Variants in EYS observed in about 807,000 individuals in gnomAD.
EYS encodes EGF-like photoreceptor maintenance factor.
EYS carries 250 observed loss-of-function variants against 282.1 expected under a neutral mutation model. The observed-to-expected ratio is 0.89, with a 90% CI of 0.80 to 0.98. EYS has a LOEUF of 0.98. Ranked by LOEUF, EYS falls within the 50% of genes least tolerant of loss-of-function variation. EYS has a pLI of 0.00. For synonymous variants in EYS, 1,355 were observed against 1,282.9 expected (o/e 1.06, Z -1.20); for missense variants, 4,016 against 3,709.0 (o/e 1.08, Z -2.15).
intron 31 of EYS, among the ~76,000 whole-genome samples, chr6:64,179,565 G>A (rs1034645406): frequency 6.6e-6 from 1 of 152,014 alleles, no homozygotes; most frequent in Non-Finnish European, 1.5e-5. Flanking sequence ...CACTTAGTAG[G>A]TATTCCAAAA....
rs542787315 is a variant in EYS at position 65,501,198 on chromosome 6, A to C, written c.-332-5205T>G. On this transcript the variant is annotated intron_variant, in intron 2 of 42. Transcript: ENST00000503581. Reference sequence around the variant, plus strand: ...ATGGAAAATAATTGACAATAGTATCACTATATCTGTGAATGTCCATGTATA... The same window carrying C: ...ATGGAAAATAATTGACAATAGTATCCCTATATCTGTGAATGTCCATGTATA... 1.1e-3 allele frequency among the ~76,000 whole-genome samples: 169 copies of C among 151,988 alleles called. 1 individual carries two copies. The highest frequency in any genetic ancestry group is 3.5e-3 in the African/African-American group (145 of 41,534).
At chr6:63,891,796 C>G (rs1413091949) in intron 35 of EYS, among the ~76,000 whole-genome samples, 1 of 152,136 alleles carries the variant, frequency 6.6e-6, no homozygotes, top group East Asian at 1.9e-4. Flanking sequence ...TTCAAATTGC[C>G]TGTTTGAGAT....
At chr6:64,169,431 G>GTTTTTTTTTTTT (rs35657029) in intron 31 of EYS, among the ~76,000 whole-genome samples, 23 of 140,962 alleles carry the variant, frequency 1.6e-4, no homozygotes, top group African/African-American at 5.8e-4. Flanking sequence ...TTGAGGAGGA[G>GTTTTTTTTTTTT]TTTTTTTTTT....
intron 11 of EYS, among the ~76,000 whole-genome samples, chr6:65,309,460 T>C (rs1335091860): frequency 6.6e-6 from 1 of 152,148 alleles, no homozygotes; most frequent in Non-Finnish European, 1.5e-5. Context: ...TTGTTACAAA[T>C]GTTCTCAAAA....
At chr6:64,960,336 T>C (rs1769869685) in intron 14 of EYS, among the ~76,000 whole-genome samples, 1 of 152,142 alleles carries the variant, frequency 6.6e-6, no homozygotes. Flanking sequence ...TAAGGGATAA[T>C]TTTAAGCAAC....
At chr6:64,906,549 T>C (rs765863724) in intron 16 of EYS, among the ~76,000 whole-genome samples, 34 of 152,220 alleles carry the variant, frequency 2.2e-4, no homozygotes, top group Non-Finnish European at 4.4e-4. Context: ...TGATAGTATA[T>C]ATACTGGAGT....
At chr6:64,417,127 C>G (rs72889620) in intron 28 of EYS, among the ~76,000 whole-genome samples, 2 of 152,136 alleles carry the variant, frequency 1.3e-5, no homozygotes, top group Non-Finnish European at 2.9e-5. Flanking sequence ...ATAATTAGAG[C>G]TTTTATACAT....
chr6:65,022,660 A>T (rs986355891), intron 13 of EYS, among the ~76,000 whole-genome samples: 10 of 149,984 alleles, frequency 6.7e-5, no homozygotes, highest in Non-Finnish European at 1.3e-4. Context: ...TAAAAGAAGT[A>T]CATATATAAA....
At chr6:64,568,064 G>C (rs1437314263) in intron 26 of EYS, among the ~76,000 whole-genome samples, 1 of 152,136 alleles carries the variant, frequency 6.6e-6, no homozygotes, top group Non-Finnish European at 1.5e-5. Context: ...AAAATAAATA[G>C]AATTTTCTGT....
intron 30 of EYS, among the ~76,000 whole-genome samples, chr6:64,253,775 G>A (rs73763361): frequency 0.024 from 3,719 of 152,078 alleles, 151 homozygotes; most frequent in African/African-American, 0.085. Flanking sequence ...CAAGGGGACA[G>A]GCTTTAGCCG....
intron 1 of EYS, among the ~76,000 whole-genome samples, chr6:65,686,613 A>T (rs1351626135): frequency 6.6e-6 from 1 of 152,170 alleles, no homozygotes; most frequent in Non-Finnish European, 1.5e-5. Context: ...TGTTAAACAA[A>T]CTACAAAATG....
intron 28 of EYS, among the ~76,000 whole-genome samples, chr6:64,391,655 C>A (rs1179305169): frequency 6.6e-6 from 1 of 152,092 alleles, no homozygotes; most frequent in African/African-American, 2.4e-5. Context: ...CAACCCGTAC[C>A]AGCCGCTGCA....
At chr6:64,291,588 G>A (rs1415345735) in intron 30 of EYS, among the ~76,000 whole-genome samples, 2 of 151,940 alleles carry the variant, frequency 1.3e-5, no homozygotes, top group Non-Finnish European at 2.9e-5. Context: ...TACAGTGCAG[G>A]GAAGTGAAAC....
At chr6:65,198,660 G>A (rs1298740900) in intron 12 of EYS, among the ~76,000 whole-genome samples, 1 of 152,068 alleles carries the variant, frequency 6.6e-6, no homozygotes, top group Non-Finnish European at 1.5e-5. Flanking sequence ...AAACTTTAAT[G>A]TTAAGAGAGC....
At chr6:64,343,257 T>C (rs958115219) in intron 29 of EYS, among the ~76,000 whole-genome samples, 20 of 151,788 alleles carry the variant, frequency 1.3e-4, no homozygotes, top group Non-Finnish European at 2.2e-4. Context: ...ATATACATTT[T>C]TTTTCAGCAC....
chr6:65,231,400 T>C (rs1766779765), intron 12 of EYS, among the ~76,000 whole-genome samples: 1 of 151,522 alleles, frequency 6.6e-6, no homozygotes, highest in South Asian at 2.1e-4. Flanking sequence ...ATTCTAAAAT[T>C]GTTCTATGTC....
intron 22 of EYS, among the ~76,000 whole-genome samples, chr6:64,805,534 C>T (rs1329375464): frequency 4.0e-5 from 6 of 151,516 alleles, no homozygotes; most frequent in Non-Finnish European, 4.4e-5. Flanking sequence ...ATTCTCACTA[C>T]TCAAAATATA....
At chr6:64,272,472 T>C (rs1582517019) in intron 30 of EYS, among the ~76,000 whole-genome samples, 1 of 152,198 alleles carries the variant, frequency 6.6e-6, no homozygotes, top group East Asian at 1.9e-4. Context: ...AGCCTGGTGG[T>C]GACAAAATCT....
intron 35 of EYS, among the ~76,000 whole-genome samples, chr6:63,904,252 G>A (rs986920329): frequency 2.0e-5 from 3 of 152,166 alleles, no homozygotes; most frequent in Non-Finnish European, 4.4e-5. Context: ...TCCTTGACCC[G>A]AGTTGTTTCC....
Sources: gnomAD v4.1 joint callset for allele counts (sites outside exome capture counted in the v4.1 genomes callset) on GRCh38, gnomAD v4.1.1 for gene constraint, MANE v1.5 for transcripts, NCBI Gene and HGNC (gene_info 2026-07-23, HGNC 2026-07-21) for gene names.